The following WDR72 variants were observed in gnomAD, a reference collection of about 807,000 sequenced individuals.
The protein encoded by WDR72 is WD repeat-containing protein 72.
Under a neutral mutation model 124.2 loss-of-function variants are expected in WDR72, and 120 were observed. The observed-to-expected ratio is 0.97, with a 90% confidence interval of 0.83 to 1.12. The LOEUF is 1.12. Among genes scored for constraint, WDR72 ranks in the 50% most tolerant of loss-of-function variants. WDR72 has a pLI of 0.00. For missense variants in WDR72, 1,387 were observed against 1,278.8 expected (o/e 1.08, Z -1.29); for synonymous variants, 452 against 441.7 (o/e 1.02, Z -0.29).
At chr15:53,624,741 C>T (rs2014138496) in intron 14 of WDR72, among the ~76,000 whole-genome samples, 1 of 152,170 alleles carries the variant, frequency 6.6e-6, no homozygotes, top group Non-Finnish European at 1.5e-5. Context: ...TAAATTGTTG[C>T]TATGTTTTAA....
At chr15:53,660,973 A>G (rs1175477084) in intron 14 of WDR72, among the ~76,000 whole-genome samples, 14 of 152,128 alleles carry the variant, frequency 9.2e-5, no homozygotes, top group Admixed American at 9.2e-4. Context: ...AGTCCAGTAG[A>G]CTGTCTAGAT....
At chr15:53,722,975 T>C (rs1595874644) in intron 2 of WDR72, 67 bp from the exon 3 acceptor site, 3 of 1,399,098 alleles carry the variant, frequency 2.1e-6, no homozygotes, top group African/African-American at 1.4e-5. Flanking sequence ...CACCACAATA[T>C]AGTATTCATA....
chr15:53,725,317 G>A (rs563032145), intron 2 of WDR72, among the ~76,000 whole-genome samples: 41 of 152,220 alleles, frequency 2.7e-4, no homozygotes, highest in Non-Finnish European at 4.4e-4. Flanking sequence ...AATGCTGGCC[G>A]GGATGTGGAG....
rs146698292 is a variant in WDR72, at chr15:53,615,465, A to G, written c.2741T>C (p.Leu914Ser). The change falls in exon 15 of 20, where the codon TTA (leucine) becomes TCA (serine). Residue 914 changes from leucine to serine, a missense_variant. Leu to Ser is a moderately radical substitution (Grantham distance 145). Transcript: ENST00000360509. The part of the protein sequence containing the change: ...LLSRLFLVNK[L>S]VNMPLELACR... ...TGCCAATTCTAAAGGCATGTTAACT[A>G]ATTTATTAACTAAAAATAGTCTGCT... 1,210 of 1,611,788 alleles carry G rather than the reference A, an allele frequency of 7.5e-4. No individual in the cohort carries two copies. Among genetic ancestry groups the G allele is most frequent in the Non-Finnish European group, 9.8e-4 (1,157 of 1,178,986 alleles).
intron 14 of WDR72, among the ~76,000 whole-genome samples, chr15:53,647,179 C>A (rs2015073246): frequency 6.6e-6 from 1 of 152,012 alleles, no homozygotes; most frequent in Non-Finnish European, 1.5e-5. Flanking sequence ...GTTATGAAAT[C>A]ACAATAGTAC....
At chr15:53,634,170 C>T (rs1225039000) in intron 14 of WDR72, among the ~76,000 whole-genome samples, 1 of 152,082 alleles carries the variant, frequency 6.6e-6, no homozygotes, top group East Asian at 1.9e-4. Flanking sequence ...ATTAAAATAA[C>T]CTGGACATAA....
At position 53,653,975 on chromosome 15, in the gene WDR72, A is replaced by C. The variant is rs146615335; in HGVS notation, c.1962+11597T>G. ...AGAGGATATTTCCTAGGTTTTGATT[A>C]TGCTTAAATATACCCAGTCTGGAAA... is the stretch of plus-strand genomic sequence containing the variant. On this transcript the variant is annotated intron_variant, in intron 14 of 19. Coordinates refer to ENST00000360509, the MANE Select transcript of WDR72 (RefSeq NM_182758.4). Among the ~76,000 whole-genome samples, 310 of 152,314 alleles carry C rather than the reference A, an allele frequency of 2.0e-3. 4 individuals carry two copies. Among genetic ancestry groups the C allele is most frequent in the African/African-American group, 7.0e-3 (293 of 41,580 alleles).
chr15:53,540,240 A>G (rs1422093836), intron 18 of WDR72, among the ~76,000 whole-genome samples: 4 of 152,268 alleles, frequency 2.6e-5, no homozygotes, highest in African/African-American at 9.6e-5. Context: ...GAAAACCTAC[A>G]GAACTAAGTC....
At chr15:53,705,813 T>A in intron 10 of WDR72, 114 bp downstream of exon 10, 1 of 1,243,864 alleles carries the variant, frequency 8.0e-7, no homozygotes, top group Non-Finnish European at 1.2e-6. Context: ...TACGTAGTAG[T>A]ACACAATAAA....
At chr15:53,555,988 T>C (rs1893918459) in intron 18 of WDR72, among the ~76,000 whole-genome samples, 1 of 152,162 alleles carries the variant, frequency 6.6e-6, no homozygotes, top group Non-Finnish European at 1.5e-5. Flanking sequence ...AATATGTAGC[T>C]ATATTACACT....
At chr15:53,594,738 G>A (rs113121361) in intron 18 of WDR72, among the ~76,000 whole-genome samples, 1 of 151,814 alleles carries the variant, frequency 6.6e-6, no homozygotes, top group African/African-American at 2.4e-5. Context: ...GTTGCAGTGA[G>A]CTATGATCAT....
rs954236709 is a variant in WDR72, at chr15:53,700,020, C to T, written c.1570-75G>A. 27 of 1,576,614 alleles carry T rather than the reference C, an allele frequency of 1.7e-5. No individual in the cohort carries two copies. The Admixed American group carries it at 3.9e-4, about 23-fold the overall frequency. ...TATGAGTAAGTCAGATTTTTTTCTC[C>T]CAGTAACATAAAAAAGTTTTGTTAA... On this transcript the variant is annotated intron_variant, in intron 12 of 19. Coordinates refer to ENST00000360509, the MANE Select transcript of WDR72 (RefSeq NM_182758.4).
intron 3 of WDR72, among the ~76,000 whole-genome samples, chr15:53,718,147 A>C (rs1388226436): frequency 6.6e-6 from 1 of 151,374 alleles, no homozygotes; most frequent in African/African-American, 2.5e-5. Context: ...ACCTGATACT[A>C]TTCCAAATAT....
chr15:53,522,824 G>T (rs1332395056), intron 19 of WDR72, among the ~76,000 whole-genome samples: 2 of 151,998 alleles, frequency 1.3e-5, no homozygotes, highest in East Asian at 3.9e-4. Flanking sequence ...GAATTGTAAT[G>T]ATGACAGTTT....
At chr15:53,537,194 T>G (rs182383320) in intron 18 of WDR72, among the ~76,000 whole-genome samples, 1 of 152,186 alleles carries the variant, frequency 6.6e-6, no homozygotes, top group Non-Finnish European at 1.5e-5. Flanking sequence ...TTAAAGCCCA[T>G]GATTGTGTCT....
chr15:53,729,048 A>G (rs937267604), intron 2 of WDR72, among the ~76,000 whole-genome samples: 1 of 151,950 alleles, frequency 6.6e-6, no homozygotes, highest in Non-Finnish European at 1.5e-5. Context: ...CTATTCTCCA[A>G]TCCCCTTTAT....
intron 13 of WDR72, among the ~76,000 whole-genome samples, chr15:53,677,014 G>A (rs2016196749): frequency 6.7e-6 from 1 of 149,554 alleles, no homozygotes; most frequent in Non-Finnish European, 1.5e-5. Flanking sequence ...TCTGCCTCCT[G>A]GGTCCACGCC....
intron 1 of WDR72, among the ~76,000 whole-genome samples, chr15:53,741,228 GAC>G (rs1425860725): frequency 6.6e-6 from 1 of 152,184 alleles, no homozygotes; most frequent in Admixed American, 6.5e-5. Context: ...ATTGTTAAAA[GAC>G]AAGGAATTTG....
At chr15:53,530,362 A>G (rs1409332896) in intron 18 of WDR72, among the ~76,000 whole-genome samples, 1 of 151,880 alleles carries the variant, frequency 6.6e-6, no homozygotes, top group Non-Finnish European at 1.5e-5. Flanking sequence ...GTTCATCACT[A>G]AAAGAAGTAT....
Sources: allele counts gnomAD v4.1 joint callset (sites outside exome capture counted in the v4.1 genomes callset), GRCh38; gene constraint gnomAD v4.1.1; transcripts MANE v1.5; gene names NCBI Gene and HGNC (gene_info 2026-07-23, HGNC 2026-07-21).